Variants in UBE2QL1 observed in about 807,000 individuals in gnomAD.
UBE2QL1 encodes ubiquitin-conjugating enzyme E2Q-like protein 1.
UBE2QL1 carries 5 observed loss-of-function variants against 12.6 expected under a neutral mutation model. The observed-to-expected ratio is 0.40, with a 90% CI of 0.21 to 0.83. The LOEUF is 0.83. Ranked by LOEUF, UBE2QL1 falls within the 40% of genes least tolerant of loss-of-function variation. UBE2QL1 has a pLI of 0.37. For missense variants in UBE2QL1, 99 were observed against 222.6 expected (o/e 0.44, Z 3.53); for synonymous variants, 96 against 94.5 (o/e 1.02, Z -0.10).
At chr5:6,484,194 C>T (rs572855820) in intron 1 of UBE2QL1, among the ~76,000 whole-genome samples, 1 of 152,294 alleles carries the variant, frequency 6.6e-6, no homozygotes, top group Admixed American at 6.5e-5. Context: ...TGAGTGAAAC[C>T]CAACAGGGAG....
Position 6,461,550 on chromosome 5 carries a change from C to G in UBE2QL1, c.354+12303C>G, listed in dbSNP as rs377361836. 6.8e-3 allele frequency among the ~76,000 whole-genome samples: 846 copies of G among 124,066 alleles called. 111 individuals carry two copies. The highest frequency in any genetic ancestry group is 0.022 in the African/African-American group (763 of 34,276). 81.4% of individuals were successfully genotyped at this position (124,066 alleles called of 152,430 possible). A position where few individuals can be genotyped will look rare whatever the true frequency, so the allele number is the denominator to read the frequency against. ...TGTTTTTCAGCACCCACCACCCCCC[C>G]CCGCCGGCATATCATTCTAGGAAGG... On this transcript the variant is annotated intron_variant, in intron 1 of 1. Transcript: ENST00000399816.
At chr5:6,460,173 T>C (rs1235271835) in intron 1 of UBE2QL1, among the ~76,000 whole-genome samples, 1 of 152,108 alleles carries the variant, frequency 6.6e-6, no homozygotes, top group Non-Finnish European at 1.5e-5. Context: ...TGAGTGTGGC[T>C]CACTCCTGGG....
intron 1 of UBE2QL1, among the ~76,000 whole-genome samples, chr5:6,474,207 T>C (rs1458955932): frequency 6.6e-6 from 1 of 152,242 alleles, no homozygotes; most frequent in African/African-American, 2.4e-5. Context: ...GTGTACAGCC[T>C]GAGGGCTGGT....
chr5:6,451,239 G>A (rs1253032425), intron 1 of UBE2QL1, among the ~76,000 whole-genome samples: 1 of 72,308 alleles, frequency 1.4e-5, no homozygotes, highest in East Asian at 3.1e-4. Flanking sequence ...TTTGAAATGA[G>A]AAATGGGGAT....
chr5:6,458,649 A>AT (rs1400338260), intron 1 of UBE2QL1, among the ~76,000 whole-genome samples: 6 of 152,214 alleles, frequency 3.9e-5, no homozygotes, highest in African/African-American at 1.2e-4. Context: ...ATACCAAGTA[A>AT]AGATCAATTG....
In UBE2QL1 at chr5:6,482,928, C is replaced by A. The variant is rs572211518; in HGVS notation, c.355-8290C>A. On this transcript the variant is annotated intron_variant, in intron 1 of 1. Coordinates refer to ENST00000399816, the MANE Select transcript of UBE2QL1 (RefSeq NM_001145161.3). ...GAGGACACCTGCTCCTGCAGAGATG[C>A]CAGATGTTTTCATCTTGTCTCCCAG... 2.4e-4 allele frequency among the ~76,000 whole-genome samples: 37 copies of A among 152,318 alleles called. No homozygotes were observed. The South Asian group carries it at 7.7e-3, about 32-fold the overall frequency.
At chr5:6,490,295 C>T (rs1734543748) in intron 1 of UBE2QL1, among the ~76,000 whole-genome samples, 1 of 152,274 alleles carries the variant, frequency 6.6e-6, no homozygotes, top group Admixed American at 6.5e-5. Flanking sequence ...TGCTCCTCCC[C>T]TCTGATGCCA....
At position 6,475,021 on chromosome 5, in the gene UBE2QL1, C is replaced by T. The variant is rs77455704; in HGVS notation, c.355-16197C>T. ...GTGAAGTCCTTGTGGCAGTGACTGG[C>T]GCAGCTTTCCCTATATTCTATCATA... is the stretch of plus-strand genomic sequence containing the variant. On this transcript the variant is annotated intron_variant, in intron 1 of 1. Coordinates refer to ENST00000399816, the MANE Select transcript of UBE2QL1 (RefSeq NM_001145161.3). Among the ~76,000 whole-genome samples the T allele has an allele frequency of 2.6e-4, 39 of 152,284 alleles. 2 individuals carry two copies. In the South Asian group the frequency reaches 7.1e-3, roughly 28 times the overall value.
chr5:6,489,465 A>T (rs1056778436), intron 1 of UBE2QL1, among the ~76,000 whole-genome samples: 1 of 152,102 alleles, frequency 6.6e-6, no homozygotes. Context: ...AAAAAAGGAA[A>T]AGGTTCTGCT....
chr5:6,490,570 C>T (rs1375085582), intron 1 of UBE2QL1, among the ~76,000 whole-genome samples: 2 of 152,202 alleles, frequency 1.3e-5, no homozygotes, highest in African/African-American at 4.8e-5. Context: ...TCTTGGACCT[C>T]GAGGATGGGT....
chr5:6,459,343 G>A (rs143169180), intron 1 of UBE2QL1, among the ~76,000 whole-genome samples: 86 of 152,312 alleles, frequency 5.6e-4, no homozygotes, highest in African/African-American at 2.0e-3. Flanking sequence ...TATTTTATTA[G>A]TAATTTCATT....
At chr5:6,484,875 C>T (rs1207003938) in intron 1 of UBE2QL1, among the ~76,000 whole-genome samples, 4 of 151,932 alleles carry the variant, frequency 2.6e-5, no homozygotes, top group Non-Finnish European at 5.9e-5. Context: ...AAAGGGACCA[C>T]CCATTAAACT....
In UBE2QL1 at chr5:6,462,068, G is replaced by A. The variant is rs192393295; in HGVS notation, c.354+12821G>A. ...TGGACAAGCCCAAGCGAGGGTGATG[G>A]TCGTTTAACCTCTACAGGCCTTTCA... On this transcript the variant is annotated intron_variant, in intron 1 of 1. Transcript: ENST00000399816. Among the ~76,000 whole-genome samples, 3 of 152,292 alleles carry A rather than the reference G, an allele frequency of 2.0e-5. No homozygotes were observed. In the East Asian group the frequency reaches 5.8e-4, roughly 29 times the overall value.
chr5:6,471,670 G>T (rs1560932733), intron 1 of UBE2QL1, among the ~76,000 whole-genome samples: 1 of 152,170 alleles, frequency 6.6e-6, no homozygotes, highest in Admixed American at 6.5e-5. Context: ...GCAAGCTCAG[G>T]TCCCTCGCAC....
intron 1 of UBE2QL1, among the ~76,000 whole-genome samples, chr5:6,463,643 T>TTATTATTATTATTA (rs1314587860): frequency 2.3e-5 from 2 of 87,144 alleles, no homozygotes; most frequent in African/African-American, 8.4e-5. Flanking sequence ...TATTATTATT[T>TTATTATTATTATTA]TTGATGCGGA....
intron 1 of UBE2QL1, among the ~76,000 whole-genome samples, chr5:6,459,684 A>G (rs1365576533): frequency 1.3e-5 from 2 of 152,260 alleles, no homozygotes; most frequent in Admixed American, 6.5e-5. Context: ...CACATTAAAT[A>G]TTAAGATCTA....
intron 1 of UBE2QL1, among the ~76,000 whole-genome samples, chr5:6,474,812 G>T (rs566656787): frequency 1.3e-5 from 2 of 152,164 alleles, no homozygotes; most frequent in Non-Finnish European, 2.9e-5. Flanking sequence ...ATCCTCACAC[G>T]TGGTGAGAAG....
chr5:6,479,713 A>T lies in UBE2QL1; in HGVS notation c.355-11505A>T, dbSNP rs181609825. ...TTCGGCCTTGAGAGTGGAGTGCAGC[A>T]TCCTGGGTGCGGCCCAAGAAAAGCA... On this transcript the variant is annotated intron_variant, in intron 1 of 1. Transcript: ENST00000399816. The surrounding 1 kb of genome is among the most constrained non-coding windows in gnomAD (Gnocchi z 4.2). 8.5e-4 allele frequency among the ~76,000 whole-genome samples: 129 copies of T among 152,314 alleles called. No homozygotes were observed. The highest frequency in any genetic ancestry group is 1.6e-3 in the Non-Finnish European group (107 of 68,034).
intron 1 of UBE2QL1, among the ~76,000 whole-genome samples, chr5:6,480,339 T>C (rs1734333675): frequency 2.0e-5 from 3 of 152,216 alleles, no homozygotes; most frequent in Admixed American, 2.0e-4. Flanking sequence ...TGCTGGAGTG[T>C]CTCAGTATGG....
Sources: gnomAD v4.1 joint callset for allele counts (sites outside exome capture counted in the v4.1 genomes callset) on GRCh38, gnomAD v4.1.1 for gene constraint, Gnocchi (gnomAD v3.1) non-coding constraint, MANE v1.5 for transcripts, NCBI Gene and HGNC (gene_info 2026-07-23, HGNC 2026-07-21) for gene names.